The following CDC20B variants were observed in gnomAD, a reference collection of about 807,000 sequenced individuals.
CDC20B encodes the protein cell division cycle protein 20 homolog B.
A neutral mutation model predicts 64.1 loss-of-function variants in CDC20B; 58 were observed. The ratio of observed to expected loss-of-function variants is 0.90; its 90% CI spans 0.73 to 1.13. CDC20B has a LOEUF of 1.13. Among genes scored for constraint, CDC20B ranks in the 50% most tolerant of loss-of-function variants. CDC20B has a pLI of 0.00. For missense variants in CDC20B, 597 were observed against 633.0 expected (o/e 0.94, Z 0.61); for synonymous variants, 243 against 230.6 (o/e 1.05, Z -0.49).
chr5:55,152,458 C>G (rs546934396), intron 2 of CDC20B, among the ~76,000 whole-genome samples: 2 of 152,308 alleles, frequency 1.3e-5, no homozygotes, highest in African/African-American at 4.8e-5. Context: ...CATCACAACC[C>G]TCTGAAATAG....
intron 9 of CDC20B, among the ~76,000 whole-genome samples, chr5:55,123,781 T>A (rs916167156): frequency 6.6e-6 from 1 of 152,242 alleles, no homozygotes; most frequent in Non-Finnish European, 1.5e-5. Flanking sequence ...CAGCGTATTT[T>A]ACATATATTT....
intron 6 of CDC20B, among the ~76,000 whole-genome samples, chr5:55,131,266 C>A (rs917195260): frequency 6.6e-6 from 1 of 152,162 alleles, no homozygotes; most frequent in East Asian, 1.9e-4. Context: ...ACAATAGTAA[C>A]TCTACGTAGA....
Position 55,120,469 on chromosome 5 carries a change from T to C in CDC20B, c.1297A>G (p.Ile433Val). The C allele has an allele frequency of 2.5e-6, 4 of 1,613,930 alleles. No individual in the cohort carries two copies. Among genetic ancestry groups the C allele is most frequent in the Non-Finnish European group, 3.4e-6 (4 of 1,179,844 alleles). The change falls in exon 10 of 12, where the codon ATA (isoleucine) becomes GTA (valine). Residue 433 changes from isoleucine (I) to valine (V), a missense_variant. This residue lies in a region of CDC20B where 353 missense variants were observed against 397.0 expected (regional missense o/e 0.89). Transcript: ENST00000381375. ...MKDGRLHILD[I>V]NAGKSIQTPS... ...GTCTGGATGCTCTTCCCAGCATTTA[T>C]ATCCAAGATGTGTAAGCGTCCATCC...
intron 2 of CDC20B, among the ~76,000 whole-genome samples, chr5:55,147,411 T>C: frequency 7.2e-6 from 1 of 139,036 alleles, no homozygotes; most frequent in Admixed American, 7.4e-5. Context: ...ATAAAATATG[T>C]TATATTTTAT....
At chr5:55,118,676 C>T (rs898689554) in intron 11 of CDC20B, among the ~76,000 whole-genome samples, 1 of 152,136 alleles carries the variant, frequency 6.6e-6, no homozygotes, top group African/African-American at 2.4e-5. Flanking sequence ...AGGATTGACT[C>T]ATGCTCTTCC....
intron 2 of CDC20B, among the ~76,000 whole-genome samples, chr5:55,148,511 C>T (rs939067385): frequency 6.6e-6 from 1 of 152,024 alleles, no homozygotes; most frequent in Non-Finnish European, 1.5e-5. Context: ...CCCAGGTGTT[C>T]GGGACCAGCC....
intron 2 of CDC20B, chr5:55,161,068 CAA>C (rs747315510): frequency 6.2e-6 from 10 of 1,614,154 alleles, no homozygotes; most frequent in East Asian, 2.2e-5. Flanking sequence ...AGGAACTGCA[CAA>C]AGAGTTTGGA....
At chr5:55,152,201 G>A (rs1743686804) in intron 2 of CDC20B, among the ~76,000 whole-genome samples, 1 of 152,232 alleles carries the variant, frequency 6.6e-6, no homozygotes, top group African/African-American at 2.4e-5. Context: ...TGACACCCCA[G>A]CTTCTGCCCA....
intron 2 of CDC20B, chr5:55,164,360 C>A: frequency 2.2e-6 from 1 of 455,738 alleles, no homozygotes; most frequent in Non-Finnish European, 3.6e-6. Context: ...TCATTGCAAC[C>A]TCTGCCTTTT....
At chr5:55,143,779 C>G in intron 3 of CDC20B, 136 bp from the exon 4 acceptor site, 1 of 804,194 alleles carries the variant, frequency 1.2e-6, no homozygotes, top group South Asian at 2.0e-5. Context: ...AAGTCCATTG[C>G]AGAGAGCAGG....
intron 11 of CDC20B, among the ~76,000 whole-genome samples, chr5:55,119,092 G>A (rs1742693595): frequency 6.6e-6 from 1 of 152,206 alleles, no homozygotes; most frequent in Admixed American, 6.5e-5. Context: ...AGGAGGCCAG[G>A]TGAGTGAACA....
At chr5:55,117,269 AT>A (rs1000672293) in intron 11 of CDC20B, among the ~76,000 whole-genome samples, 5 of 152,174 alleles carry the variant, frequency 3.3e-5, no homozygotes, top group African/African-American at 1.2e-4. Context: ...CCCAAAAAAA[AT>A]CATGACTATG....
At chr5:55,123,557 C>T (rs960156581) in intron 9 of CDC20B, among the ~76,000 whole-genome samples, 4 of 152,120 alleles carry the variant, frequency 2.6e-5, no homozygotes, top group Non-Finnish European at 5.9e-5. Flanking sequence ...TGAAGAGACA[C>T]GACTGGTGAC....
Position 55,114,461 on chromosome 5 carries a change from C to G in CDC20B, c.1460-143G>C. The G allele has an allele frequency of 7.0e-7, 1 of 1,429,756 alleles. No individual in the cohort carries two copies. The highest frequency in any genetic ancestry group is 9.2e-7 in the Non-Finnish European group (1 of 1,082,768). The allele number at this position is 1,429,756 out of a possible 1,614,324, so 88.6% of individuals were successfully genotyped here. ...CACCCACCAGGTTCAGAGCTGCCAC[C>G]AACTGAGCCATGCTGGGAGACAGCA... On this transcript the variant is annotated intron_variant, in intron 11 of 11. Coordinates refer to ENST00000381375, the MANE Select transcript of CDC20B (RefSeq NM_001170402.1). This position sits in a 1 kb window ranked among gnomAD's most constrained non-coding sequence, Gnocchi z 4.1.
chr5:55,137,426 C>T, intron 5 of CDC20B: 1 of 406,832 alleles, frequency 2.5e-6, no homozygotes, highest in South Asian at 1.8e-5. Flanking sequence ...TAAAGAATTG[C>T]TTTATATACA....
chr5:55,118,276 T>C (rs898745745), intron 11 of CDC20B, among the ~76,000 whole-genome samples: 8 of 152,188 alleles, frequency 5.3e-5, no homozygotes, highest in African/African-American at 1.9e-4. Context: ...AAATACTGTA[T>C]GTAGAAGAAA....
chr5:55,139,061 T>C (rs1384207502), intron 5 of CDC20B, among the ~76,000 whole-genome samples: 1 of 152,142 alleles, frequency 6.6e-6, no homozygotes, highest in Non-Finnish European at 1.5e-5. Flanking sequence ...AATGAGTTTT[T>C]TTTTTTAATG....
At chr5:55,143,855 A>G (rs1026022912) in intron 3 of CDC20B, among the ~76,000 whole-genome samples, 3 of 152,118 alleles carry the variant, frequency 2.0e-5, no homozygotes, top group Non-Finnish European at 1.5e-5. Context: ...ACAGAATCCT[A>G]TCCAGACTGC....
intron 4 of CDC20B, among the ~76,000 whole-genome samples, chr5:55,141,961 A>T (rs1218523114): frequency 6.6e-6 from 1 of 152,192 alleles, no homozygotes; most frequent in East Asian, 1.9e-4. Flanking sequence ...CCCTGAGTTG[A>T]GAACCGTTAG....
Sources: allele counts gnomAD v4.1 joint callset (sites outside exome capture counted in the v4.1 genomes callset), GRCh38; gene constraint gnomAD v4.1.1; regional missense constraint gnomAD v4.1.1; non-coding constraint Gnocchi (gnomAD v3.1); transcripts MANE v1.5; gene names NCBI Gene and HGNC (gene_info 2026-07-23, HGNC 2026-07-21).